MBNL1: variants seen among roughly 807,000 people sequenced by gnomAD.
MBNL1 encodes the protein muscleblind like splicing regulator 1, also known as muscleblind-like protein 1.
A neutral mutation model predicts 42.2 loss-of-function variants in MBNL1; 8 were observed. That is an observed-to-expected ratio of 0.19 (90% CI 0.11 to 0.34). The LOEUF is 0.34. MBNL1 is among the 10% of genes least tolerant of loss of function. The pLI, the probability that MBNL1 is intolerant of heterozygous loss-of-function variation, is 1.00. For missense variants in MBNL1, 309 were observed against 495.3 expected, an observed-to-expected ratio of 0.62 and a Z score of 3.57; for synonymous variants, 169 against 173.9, an observed-to-expected ratio of 0.97 and a Z score of 0.22.
intron 2 of MBNL1, among the ~76,000 whole-genome samples, chr3:152,388,536 G>A (rs189108354): frequency 2.3e-3 from 344 of 152,316 alleles, no homozygotes; most frequent in Non-Finnish European, 3.6e-3. Flanking sequence ...TCTATGCCAA[G>A]TGCAGTTCCC....
chr3:152,334,047 A>G (rs1432123949), intron 2 of MBNL1, among the ~76,000 whole-genome samples: 6 of 152,226 alleles, frequency 3.9e-5, no homozygotes, highest in Admixed American at 2.6e-4. Context: ...TATAAAGCAC[A>G]GAGAACAGTG....
intron 6 of MBNL1, 30 bp from the exon 7 acceptor site, chr3:152,455,512 C>A: frequency 1.3e-6 from 2 of 1,599,404 alleles, no homozygotes; most frequent in South Asian, 1.1e-5. Flanking sequence ...TTTTCAAATC[C>A]ACCTTCCTGT....
intron 2 of MBNL1, among the ~76,000 whole-genome samples, chr3:152,410,228 T>A (rs1030151892): frequency 1.3e-5 from 2 of 152,140 alleles, no homozygotes; most frequent in Non-Finnish European, 2.9e-5. Context: ...TTAATCTAAA[T>A]GTATATTTTC....
chr3:152,408,241 A>G (rs1003449705), intron 2 of MBNL1, among the ~76,000 whole-genome samples: 2 of 152,232 alleles, frequency 1.3e-5, no homozygotes, highest in African/African-American at 4.8e-5. Flanking sequence ...ACTTATTAAC[A>G]GGATATATAC....
intron 4 of MBNL1, among the ~76,000 whole-genome samples, chr3:152,444,919 A>G (rs2099201323): frequency 6.6e-6 from 1 of 152,144 alleles, no homozygotes; most frequent in Non-Finnish European, 1.5e-5. Flanking sequence ...CAACATCATT[A>G]TGTCTCATTA....
intron 4 of MBNL1, among the ~76,000 whole-genome samples, chr3:152,443,832 G>T (rs2099181227): frequency 6.6e-6 from 1 of 152,096 alleles, no homozygotes. Flanking sequence ...CTGGCTCATT[G>T]TATGTATTTG....
intron 4 of MBNL1, among the ~76,000 whole-genome samples, chr3:152,437,416 A>C (rs1204813451): frequency 1.3e-5 from 2 of 152,206 alleles, no homozygotes; most frequent in African/African-American, 4.8e-5. Flanking sequence ...ACAGGAATTC[A>C]AGAATTACTG....
At chr3:152,251,516 C>T (rs549340692) in intron 2 of MBNL1, among the ~76,000 whole-genome samples, 52 of 152,160 alleles carry the variant, frequency 3.4e-4, no homozygotes, top group African/African-American at 1.2e-3. Context: ...TCTCTTTAGT[C>T]TCCTTTTGTC....
chr3:152,303,022 TA>T (rs10572799), intron 2 of MBNL1, among the ~76,000 whole-genome samples: 103,504 of 147,646 alleles, frequency 0.7, 36,020 homozygotes, highest in Middle Eastern at 0.76. Flanking sequence ...TTTATTTCAT[TA>T]AAAAAAAAAA....
chr3:152,285,982 A>G (rs1371403891), intron 1 of MBNL1, among the ~76,000 whole-genome samples: 1 of 151,870 alleles, frequency 6.6e-6, no homozygotes, highest in Non-Finnish European at 1.5e-5. Context: ...TTTTATGTAT[A>G]AGCCAGAAAG....
In MBNL1 at chr3:152,412,444, G is replaced by A. The variant is rs185198716; in HGVS notation, c.175-2497G>A. 1.6e-4 allele frequency among the ~76,000 whole-genome samples: 25 copies of A among 152,124 alleles called. No homozygotes were observed. The East Asian group carries it at 4.6e-3, about 28-fold the overall frequency. ...GGGAGAGTCTTGGTAGTCTGTATAC[G>A]TTCTCACCAAATATCAGTTGATTCT... is the stretch of plus-strand genomic sequence containing the variant. On this transcript the variant is annotated intron_variant, in intron 2 of 9. Transcript: ENST00000324210.
At chr3:152,344,837 G>C (rs2093956551) in intron 2 of MBNL1, among the ~76,000 whole-genome samples, 1 of 151,962 alleles carries the variant, frequency 6.6e-6, no homozygotes, top group African/African-American at 2.4e-5. Context: ...TTCTTTTGCT[G>C]TTCTTTTCTT....
chr3:152,300,515 C>T (rs2060291153), intron 2 of MBNL1, 148 bp downstream of exon 2: 5 of 582,006 alleles, frequency 8.6e-6, no homozygotes, highest in African/African-American at 3.9e-5. Context: ...GGGAACTTTA[C>T]GAGAAGCAGT....
intron 2 of MBNL1, among the ~76,000 whole-genome samples, chr3:152,407,072 T>TG (rs58661227): frequency 0.34 from 50,623 of 150,822 alleles, 8,780 homozygotes; most frequent in Middle Eastern, 0.42. Flanking sequence ...TGTGTGTGTG[T>TG]TTGTGTGAAC....
intron 2 of MBNL1, among the ~76,000 whole-genome samples, chr3:152,326,885 G>A (rs537720184): frequency 1.3e-4 from 20 of 151,432 alleles, no homozygotes; most frequent in Middle Eastern, 3.4e-3. Flanking sequence ...TCACTGCAAC[G>A]TCTGCCTCCT....
intron 2 of MBNL1, chr3:152,340,342 A>G: frequency 1.3e-5 from 9 of 668,414 alleles, no homozygotes; most frequent in Non-Finnish European, 2.2e-5. Context: ...ATCAACATGC[A>G]AAAACTGAAC....
chr3:152,280,025 G>A (rs1234812515), intron 1 of MBNL1, among the ~76,000 whole-genome samples: 1 of 152,066 alleles, frequency 6.6e-6, no homozygotes, highest in African/African-American at 2.4e-5. Context: ...ATGTGATTAT[G>A]TGTTTTTAGA....
At chr3:152,380,881 C>A (rs920325837) in intron 2 of MBNL1, among the ~76,000 whole-genome samples, 18 of 152,060 alleles carry the variant, frequency 1.2e-4, no homozygotes, top group African/African-American at 4.3e-4. Context: ...GAACTATTCA[C>A]AAGCCAATTC....
At chr3:152,401,269 C>G (rs888157441) in intron 2 of MBNL1, among the ~76,000 whole-genome samples, 4 of 152,132 alleles carry the variant, frequency 2.6e-5, no homozygotes, top group African/African-American at 9.7e-5. Flanking sequence ...TATAATATAG[C>G]TTGGGAGGTG....
Sources: gnomAD v4.1 joint callset for allele counts (sites outside exome capture counted in the v4.1 genomes callset) on GRCh38, gnomAD v4.1.1 for gene constraint, MANE v1.5 for transcripts, NCBI Gene and HGNC (gene_info 2026-07-23, HGNC 2026-07-21) for gene names.